MYT1L: variants seen among roughly 807,000 people sequenced by gnomAD.
MYT1L encodes myelin transcription factor 1 like.
Under a neutral mutation model 126.7 loss-of-function variants are expected in MYT1L, and 12 were observed. The observed-to-expected ratio is 0.09, with a 90% CI of 0.06 to 0.15. MYT1L has a LOEUF of 0.15. Among genes scored for constraint, MYT1L ranks in the 10% least tolerant of loss-of-function variants. MYT1L has a pLI of 1.00. For synonymous variants in MYT1L, 541 were observed against 604.2 expected, an observed-to-expected ratio of 0.90 and a Z score of 1.53; for missense variants, 979 against 1,585.2, an observed-to-expected ratio of 0.62 and a Z score of 6.49.
intron 3 of MYT1L, among the ~76,000 whole-genome samples, chr2:2,061,830 C>T (rs1174143114): frequency 6.6e-6 from 1 of 152,178 alleles, no homozygotes; most frequent in Admixed American, 6.5e-5. Flanking sequence ...GTGTTCTCAT[C>T]AACCTCATAC....
intron 4 of MYT1L, among the ~76,000 whole-genome samples, chr2:2,017,420 T>C (rs1401158876): frequency 6.6e-6 from 1 of 152,214 alleles, no homozygotes; most frequent in Admixed American, 6.5e-5. Context: ...GGAAGCTAGC[T>C]TGAGAGATGG....
intron 19 of MYT1L, among the ~76,000 whole-genome samples, chr2:1,845,672 C>T (rs1323678965): frequency 1.3e-5 from 2 of 152,210 alleles, no homozygotes; most frequent in African/African-American, 2.4e-5. Flanking sequence ...TCTCAGCAGC[C>T]CGCTGTCTAG....
chr2:1,795,944 C>G (rs1469073646), intron 23 of MYT1L, among the ~76,000 whole-genome samples: 1 of 152,148 alleles, frequency 6.6e-6, no homozygotes, highest in Non-Finnish European at 1.5e-5. Flanking sequence ...TCTGACCACA[C>G]CTGGAGTAGA....
chr2:2,124,305 T>G (rs147785677), intron 3 of MYT1L, among the ~76,000 whole-genome samples: 18 of 149,090 alleles, frequency 1.2e-4, no homozygotes, highest in African/African-American at 3.4e-4. Flanking sequence ...ATTCTTTTTC[T>G]TTTTTTTTTA....
intron 1 of MYT1L, among the ~76,000 whole-genome samples, chr2:2,288,194 A>G (rs915215753): frequency 1.3e-5 from 2 of 152,210 alleles, no homozygotes; most frequent in Non-Finnish European, 2.9e-5. Context: ...ACAGGACAAC[A>G]TCAGTTTTAC....
At chr2:2,263,111 A>G (rs1466756812) in intron 2 of MYT1L, among the ~76,000 whole-genome samples, 1 of 151,480 alleles carries the variant, frequency 6.6e-6, no homozygotes, top group Non-Finnish European at 1.5e-5. Context: ...GAGAACTATC[A>G]TTGCCCTTGG....
At chr2:1,978,579 C>T (rs1337599627) in intron 8 of MYT1L, among the ~76,000 whole-genome samples, 3 of 152,168 alleles carry the variant, frequency 2.0e-5, no homozygotes, top group Non-Finnish European at 4.4e-5. Context: ...CCATCCCTGT[C>T]GCAGACCTGA....
intron 1 of MYT1L, among the ~76,000 whole-genome samples, chr2:2,293,484 G>A (rs1291647142): frequency 2.6e-5 from 4 of 152,198 alleles, no homozygotes; most frequent in African/African-American, 9.6e-5. Flanking sequence ...GAGGGTGATG[G>A]TGAGCACTGT....
chr2:2,242,904 T>G (rs965022528), intron 2 of MYT1L, among the ~76,000 whole-genome samples: 1 of 152,070 alleles, frequency 6.6e-6, no homozygotes, highest in Non-Finnish European at 1.5e-5. Flanking sequence ...ACCAGCTCTC[T>G]AGGAAGGATG....
chr2:1,879,020 G>A (rs1450268070), intron 18 of MYT1L, among the ~76,000 whole-genome samples: 1 of 152,120 alleles, frequency 6.6e-6, no homozygotes, highest in African/African-American at 2.4e-5. Context: ...TAATTTCCCT[G>A]AGTCACCACC....
chr2:2,232,195 G>C (rs1242894722), intron 2 of MYT1L, among the ~76,000 whole-genome samples: 2 of 152,220 alleles, frequency 1.3e-5, no homozygotes, highest in African/African-American at 4.8e-5. Context: ...GTGCATAACA[G>C]GTAGGTTTGG....
At chr2:2,013,225 C>T (rs2064015963) in intron 4 of MYT1L, among the ~76,000 whole-genome samples, 1 of 152,192 alleles carries the variant, frequency 6.6e-6, no homozygotes, top group South Asian at 2.1e-4. Context: ...GCCTCCTGAG[C>T]TACTCACTCC....
Position 1,848,150 on chromosome 2 carries a change from A to C in MYT1L, c.2774+3491T>G, listed in dbSNP as rs2042744967. 6.6e-6 allele frequency among the ~76,000 whole-genome samples: 1 copy of C among 152,174 alleles called. No homozygotes were observed. The highest frequency in any genetic ancestry group is 2.1e-4 in the South Asian group (1 of 4,830). On this transcript the variant is annotated intron_variant, in intron 19 of 24. Coordinates refer to ENST00000647738, the MANE Select transcript of MYT1L (RefSeq NM_001303052.2). The surrounding 1 kb of genome is among the most constrained non-coding windows in gnomAD (Gnocchi z 4.8). Reference sequence around the variant, plus strand: ...GACAGCTCCTCACCCAGTTTCCCAGAATGGGCCCAGGAGAAGGCTGGGGCT... The same window carrying C: ...GACAGCTCCTCACCCAGTTTCCCAGCATGGGCCCAGGAGAAGGCTGGGGCT...
At chr2:2,031,997 C>T (rs1471880918) in intron 4 of MYT1L, among the ~76,000 whole-genome samples, 3 of 142,366 alleles carry the variant, frequency 2.1e-5, no homozygotes, top group Admixed American at 6.9e-5. Context: ...ATCCTGTGGC[C>T]GAGAGCAGAT....
intron 2 of MYT1L, among the ~76,000 whole-genome samples, chr2:2,190,024 A>G (rs1046111766): frequency 6.6e-6 from 1 of 152,194 alleles, no homozygotes; most frequent in Non-Finnish European, 1.5e-5. Flanking sequence ...TTTTTCTGAG[A>G]GGAAGCCCAG....
chr2:2,048,748 C>T (rs1235816735), intron 4 of MYT1L, among the ~76,000 whole-genome samples: 2 of 152,154 alleles, frequency 1.3e-5, no homozygotes, highest in South Asian at 4.1e-4. Context: ...TCCTATTTTC[C>T]AACTTTGCTT....
At chr2:2,178,421 A>AT (rs1158634623) in intron 2 of MYT1L, among the ~76,000 whole-genome samples, 1 of 152,222 alleles carries the variant, frequency 6.6e-6, no homozygotes, top group African/African-American at 2.4e-5. Flanking sequence ...ATTCTAGCTC[A>AT]TTAAAAAACC....
At chr2:1,866,718 GCA>G (rs1179179713) in intron 18 of MYT1L, among the ~76,000 whole-genome samples, 2 of 86,904 alleles carry the variant, frequency 2.3e-5, no homozygotes, top group East Asian at 4.2e-4. Context: ...AGAGAGAGAG[GCA>G]GAGAGGGAGG....
At position 2,312,778 on chromosome 2, in the gene MYT1L, TTGC is replaced by T. The variant is rs2095996044; in HGVS notation, c.-521+18186_-521+18188del. Among the ~76,000 whole-genome samples, 3 of 152,240 alleles carry T rather than the reference TTGC, an allele frequency of 2.0e-5. No individual in the cohort carries two copies. In the South Asian group the frequency reaches 6.2e-4, roughly 32 times the overall value. ...CCAAGGACAGAGGAGAACATATTCATTGCTGCATCAAGGACATTTCACTCAAAA... is the reference window on the plus strand; with the variant it reads ...CCAAGGACAGAGGAGAACATATTCATTGCATCAAGGACATTTCACTCAAAA... On this transcript the variant is annotated intron_variant, in intron 1 of 24. Transcript: ENST00000647738.
Sources: gnomAD v4.1 joint callset for allele counts (sites outside exome capture counted in the v4.1 genomes callset) on GRCh38, gnomAD v4.1.1 for gene constraint, Gnocchi (gnomAD v3.1) non-coding constraint, MANE v1.5 for transcripts, NCBI Gene and HGNC (gene_info 2026-07-23, HGNC 2026-07-21) for gene names.